Variants in FBXO42 observed in about 807,000 individuals in gnomAD.
FBXO42 encodes F-box only protein 42.
In FBXO42, 12 loss-of-function variants were observed where a neutral mutation model predicts 71.7. The ratio of observed to expected loss-of-function variants is 0.17; its 90% CI spans 0.11 to 0.27. FBXO42 has a LOEUF of 0.27. Among genes scored for constraint, FBXO42 ranks in the 10% least tolerant of loss-of-function variants. The pLI is 1.00. For synonymous variants in FBXO42, 325 were observed against 327.5 expected, an observed-to-expected ratio of 0.99 and a Z score of 0.08; for missense variants, 707 against 911.9, an observed-to-expected ratio of 0.78 and a Z score of 2.89.
At chr1:16,271,020 G>A (rs2081837907) in intron 4 of FBXO42, among the ~76,000 whole-genome samples, 1 of 152,096 alleles carries the variant, frequency 6.6e-6, no homozygotes, top group Non-Finnish European at 1.5e-5. Flanking sequence ...ATGCCTCACA[G>A]AGGGAGACAT....
intron 1 of FBXO42, among the ~76,000 whole-genome samples, chr1:16,319,789 T>C (rs2082397618): frequency 6.6e-6 from 1 of 151,836 alleles, no homozygotes; most frequent in South Asian, 2.1e-4. Context: ...CGTGCACCTG[T>C]AGTCCCAGCT....
At chr1:16,276,645 T>C (rs190688756) in intron 4 of FBXO42, among the ~76,000 whole-genome samples, 178 of 152,344 alleles carry the variant, frequency 1.2e-3, no homozygotes, top group Non-Finnish European at 1.8e-3. Context: ...TTAATCTATA[T>C]AGCATTGGAG....
At chr1:16,272,746 G>A (rs895749618) in intron 4 of FBXO42, among the ~76,000 whole-genome samples, 14 of 152,308 alleles carry the variant, frequency 9.2e-5, no homozygotes, top group Middle Eastern at 6.8e-3. Flanking sequence ...GGACATGTTA[G>A]TCATCGAAAT....
Position 16,247,604 on chromosome 1 carries a change from A to C in FBXO42, c.*3066T>G, listed in dbSNP as rs1156599985. ...TCCAACACAGTTCCTAGAATAGTTC[A>C]TGGTTTTCAGCTGTTGCTGTAAAAC... is the stretch of plus-strand genomic sequence containing the variant. On this transcript the variant is annotated 3_prime_UTR_variant, in exon 10 of 10. Transcript: ENST00000375592. 1 of 152,182 alleles carries C rather than the reference A, an allele frequency of 6.6e-6. No individual in the cohort carries two copies. 9.4% of individuals were successfully genotyped at this position (152,182 alleles called of 1,614,324 possible). A position where few individuals can be genotyped will look rare whatever the true frequency, so the allele number is the denominator to read the frequency against.
rs1260547047 is a variant in FBXO42, at chr1:16,247,255, C to G, written c.*3415G>C. 6.6e-6 allele frequency: 1 copy of G among 152,282 alleles called. No homozygotes were observed. The highest frequency in any genetic ancestry group is 1.5e-5 in the Non-Finnish European group (1 of 68,074). The allele number at this position is 152,282 out of a possible 1,614,324, so 9.4% of individuals were successfully genotyped here. A position where few individuals can be genotyped will look rare whatever the true frequency, so the allele number is the denominator to read the frequency against. On this transcript the variant is annotated 3_prime_UTR_variant, in exon 10 of 10. Transcript: ENST00000375592. Reference sequence around the variant, plus strand: ...GGACGCAGGCCTGGAAATTCAGCTTCCTCACCACCAGGCGTGGTTAGATCC... The same window carrying G: ...GGACGCAGGCCTGGAAATTCAGCTTGCTCACCACCAGGCGTGGTTAGATCC...
intron 1 of FBXO42, among the ~76,000 whole-genome samples, chr1:16,350,573 CAAAAAA>C (rs60358251): frequency 0.013 from 856 of 66,790 alleles, 2 homozygotes; most frequent in African/African-American, 0.045. Flanking sequence ...ACTAAAATTA[CAAAAAA>C]AAAAAAAAAA....
At chr1:16,304,008 T>C (rs2082224298) in intron 3 of FBXO42, among the ~76,000 whole-genome samples, 1 of 152,228 alleles carries the variant, frequency 6.6e-6, no homozygotes, top group African/African-American at 2.4e-5. Flanking sequence ...TTGTACCATG[T>C]TGGCTATGCT....
chr1:16,343,223 C>T (rs2082623794), intron 1 of FBXO42, among the ~76,000 whole-genome samples: 1 of 152,120 alleles, frequency 6.6e-6, no homozygotes, highest in South Asian at 2.1e-4. Context: ...TGGCTGGATC[C>T]TGATGGATAA....
At chr1:16,301,807 T>C (rs573122558) in intron 3 of FBXO42, among the ~76,000 whole-genome samples, 4 of 151,954 alleles carry the variant, frequency 2.6e-5, no homozygotes, top group South Asian at 2.1e-4. Context: ...TTAAAATATA[T>C]ACATATATTT....
intron 1 of FBXO42, among the ~76,000 whole-genome samples, chr1:16,343,571 C>T (rs142801842): frequency 4.3e-4 from 66 of 152,088 alleles, no homozygotes; most frequent in African/African-American, 1.6e-3. Flanking sequence ...CAAAAAAATT[C>T]CCAGCACTTT....
rs77021779 is a variant in FBXO42, at chr1:16,287,324, C to T, written c.502+7459G>A. Among the ~76,000 whole-genome samples the T allele has an allele frequency of 6.4e-3, 971 of 152,300 alleles. 6 individuals are homozygous for T. The highest frequency in any genetic ancestry group is 0.022 in the African/African-American group (931 of 41,554). On this transcript the variant is annotated intron_variant, in intron 4 of 9. Transcript: ENST00000375592. Reference sequence around the variant, plus strand: ...TTCTAATGTCGCCTTCTCTCTGATTCTCCTAGTTATAATCCTCCTAGCCAT... The same window carrying T: ...TTCTAATGTCGCCTTCTCTCTGATTTTCCTAGTTATAATCCTCCTAGCCAT...
At chr1:16,301,024 G>A (rs1452562746) in intron 3 of FBXO42, among the ~76,000 whole-genome samples, 2 of 148,704 alleles carry the variant, frequency 1.3e-5, no homozygotes, top group Non-Finnish European at 3.0e-5. Flanking sequence ...TCAGCCTCCC[G>A]AGTAGCTGGA....
intron 1 of FBXO42, among the ~76,000 whole-genome samples, chr1:16,334,496 A>T (rs185626826): frequency 6.1e-4 from 92 of 151,752 alleles, no homozygotes; most frequent in African/African-American, 2.2e-3. Context: ...TGGCACTTGG[A>T]GCAAAAGGCC....
At chr1:16,286,383 G>A (rs1399517122) in intron 4 of FBXO42, among the ~76,000 whole-genome samples, 5 of 152,166 alleles carry the variant, frequency 3.3e-5, no homozygotes, top group Admixed American at 3.3e-4. Flanking sequence ...AGGAGAAACA[G>A]GCACCTTCTT....
intron 3 of FBXO42, among the ~76,000 whole-genome samples, chr1:16,295,947 C>T (rs929659297): frequency 2.0e-5 from 3 of 152,098 alleles, no homozygotes; most frequent in Non-Finnish European, 2.9e-5. Context: ...GAAAACAGAA[C>T]GGTAACATTT....
At chr1:16,271,821 C>A (rs1330063030) in intron 4 of FBXO42, among the ~76,000 whole-genome samples, 2 of 151,844 alleles carry the variant, frequency 1.3e-5, no homozygotes, top group African/African-American at 2.4e-5. Flanking sequence ...ACCTGCATAC[C>A]TAGCATAGTC....
At chr1:16,290,704 G>C (rs1489419318) in intron 4 of FBXO42, among the ~76,000 whole-genome samples, 1 of 151,342 alleles carries the variant, frequency 6.6e-6, no homozygotes, top group African/African-American at 2.4e-5. Flanking sequence ...AGAAGCACAA[G>C]AGATGCCAGA....
At chr1:16,327,397 A>C (rs12407632) in intron 1 of FBXO42, among the ~76,000 whole-genome samples, 2 of 152,322 alleles carry the variant, frequency 1.3e-5, no homozygotes, top group Admixed American at 1.3e-4. Context: ...CAAAGGCATA[A>C]TTACACTTTT....
At chr1:16,351,630 C>G (rs936373766) in intron 1 of FBXO42, among the ~76,000 whole-genome samples, 7 of 152,122 alleles carry the variant, frequency 4.6e-5, no homozygotes, top group Non-Finnish European at 1.0e-4. Context: ...AAATTCGTTC[C>G]CACCCTCCAC....
Sources: gnomAD v4.1 joint callset for allele counts (sites outside exome capture counted in the v4.1 genomes callset) on GRCh38, gnomAD v4.1.1 for gene constraint, MANE v1.5 for transcripts, NCBI Gene and HGNC (gene_info 2026-07-23, HGNC 2026-07-21) for gene names.